The following COL1A2 variants were observed in gnomAD, a reference collection of about 807,000 sequenced individuals.
COL1A2 encodes the protein collagen type I alpha 2 chain, also known as collagen alpha-2(I) chain.
COL1A2 carries 49 observed loss-of-function variants against 174.3 expected under a neutral mutation model. The ratio of observed to expected loss-of-function variants is 0.28; its 90% confidence interval spans 0.22 to 0.36. COL1A2 has a LOEUF of 0.36. Among genes scored for constraint, COL1A2 ranks in the 10% least tolerant of loss-of-function variants. COL1A2 has a pLI of 1.00. For synonymous variants in COL1A2, 655 were observed against 606.6 expected (o/e 1.08, Z -1.17); for missense variants, 1,438 against 1,822.7 (o/e 0.79, Z 3.84).
In COL1A2 at chr7:94,394,943, G is replaced by A; in HGVS notation, c.-89G>A. 1.9e-6 allele frequency: 2 copies of A among 1,077,088 alleles called. No individual in the cohort carries two copies. The highest frequency in any genetic ancestry group is 2.9e-6 in the Non-Finnish European group (2 of 692,582). The allele number at this position is 1,077,088 out of a possible 1,614,324, so 66.7% of individuals were successfully genotyped here. A position where few individuals can be genotyped will look rare whatever the true frequency, so the allele number is the denominator to read the frequency against. On this transcript the variant is annotated 5_prime_UTR_variant, in exon 1 of 52. Coordinates refer to ENST00000297268, the MANE Select transcript of COL1A2 (RefSeq NM_000089.4). ...CGGCTAAGTTGGAGGTACTGGCCACGACTGCATGCCCGCGCCCGCCAGGTG... is the reference window on the plus strand; with the variant it reads ...CGGCTAAGTTGGAGGTACTGGCCACAACTGCATGCCCGCGCCCGCCAGGTG...
chr7:94,401,384 C>T (rs1322111072), intron 5 of COL1A2, among the ~76,000 whole-genome samples, 183 bp from the exon 6 acceptor site: 1 of 152,098 alleles, frequency 6.6e-6, no homozygotes, highest in East Asian at 1.9e-4. Flanking sequence ...ACGTACAGCT[C>T]TCATAACTTT....
intron 19 of COL1A2, 74 bp from the exon 20 acceptor site, chr7:94,410,168 T>C: frequency 6.7e-7 from 1 of 1,483,068 alleles, no homozygotes; most frequent in Non-Finnish European, 9.4e-7. Context: ...CCCACAAATA[T>C]TCTAAGAGAT....
Position 94,408,211 on chromosome 7 carries a change from G to A in COL1A2, c.668G>A (p.Gly223Glu), listed in dbSNP as rs776453550. Residue 223 changes from glycine (G) to glutamate (E), a missense_variant, in exon 14 of 52, where the codon GGA (glycine) becomes GAA (glutamate). This residue lies in a region of COL1A2 where 281 missense variants were observed against 310.9 expected (regional missense o/e 0.90). Transcript: ENST00000297268. ...TGARGLPGERGRVGAPGPAGA... is the reference protein window; with the variant it reads ...TGARGLPGERERVGAPGPAGA... Reference sequence around the variant, plus strand: ...GCCCGTGGGCTTCCTGGTGAGAGAGGACGTGTTGGTGCCCCTGGCCCAGCT... The same window carrying A: ...GCCCGTGGGCTTCCTGGTGAGAGAGAACGTGTTGGTGCCCCTGGCCCAGCT... 9 of 1,614,152 alleles carry A rather than the reference G, an allele frequency of 5.6e-6. No homozygotes were observed. The highest frequency in any genetic ancestry group is 6.8e-6 in the Non-Finnish European group (8 of 1,180,014).
intron 27 of COL1A2, 46 bp downstream of exon 27, chr7:94,413,789 A>G (rs1421627871): frequency 5.6e-6 from 9 of 1,611,036 alleles, no homozygotes; most frequent in African/African-American, 1.3e-5. Context: ...TAGAATGTAT[A>G]TAGTCCTCAA....
At chr7:94,426,390 G>GT (rs1562907425) in intron 45 of COL1A2, 33 bp from the exon 46 acceptor site, 1 of 1,541,774 alleles carries the variant, frequency 6.5e-7, no homozygotes, top group South Asian at 1.2e-5. Flanking sequence ...TTTTAAAACG[G>GT]TAAGTCTTAT....
intron 37 of COL1A2, 33 bp from the exon 38 acceptor site, chr7:94,420,976 G>C: frequency 6.2e-7 from 1 of 1,608,880 alleles, no homozygotes; most frequent in Non-Finnish European, 8.5e-7. Flanking sequence ...GGGTTTGTTT[G>C]TGATTTGACT....
chr7:94,422,996 A>G lies in COL1A2; in HGVS notation c.2443A>G (p.Lys815Glu). The G allele has an allele frequency of 6.2e-7, 1 of 1,614,026 alleles. No homozygotes were observed. The change falls in exon 40 of 52, where the codon AAA (lysine) becomes GAA (glutamate). Residue 815 changes from lysine (K) to glutamate (E), a missense_variant. Physicochemically the swap from Lys to Glu is moderately conservative, Grantham distance 56. Transcript: ENST00000297268. ...GPPGPPGPAG[K>E]EGLRGPRGDQ... Reference sequence around the variant, plus strand: ...TCCTGGTCCCCCTGGTCCTGCTGGGAAAGAAGGGCTTCGTGGTCCTCGTGG... The same window carrying G: ...TCCTGGTCCCCCTGGTCCTGCTGGGGAAGAAGGGCTTCGTGGTCCTCGTGG...
Position 94,409,604 on chromosome 7 carries a change from C to T in COL1A2, c.932C>T (p.Ala311Val). The stretch of plus-strand genomic sequence containing the variant: ...AACGGCCTTACTGGTGCCAAGGGTG[C>T]TGCTGTGAGTATACCTGCGTAGCTA... ...GANGLTGAKG[A>V]AGLPGVAGAP... is the part of the protein sequence containing the mutation. Residue 311 changes from alanine to valine, a missense_variant, in exon 18 of 52, where the codon GCT (alanine) becomes GTT (valine). This residue lies in a region of COL1A2 where 867 missense variants were observed against 1,213.7 expected (regional missense o/e 0.71). Transcript: ENST00000297268. The T allele has an allele frequency of 6.2e-7, 1 of 1,614,148 alleles. No homozygotes were observed. Among genetic ancestry groups the T allele is most frequent in the Non-Finnish European group, 8.5e-7 (1 of 1,179,992 alleles).
In COL1A2 at chr7:94,419,489, TG is replaced by T; in HGVS notation, c.2026-7del. 1 of 1,614,050 alleles carries T rather than the reference TG, an allele frequency of 6.2e-7. No homozygotes were observed. The highest frequency in any genetic ancestry group is 1.3e-5 in the African/African-American group (1 of 75,010). The stretch of plus-strand genomic sequence containing the variant: ...TTATTAATAAGACATGTTTCCTTTT[TG>T]GTACTAGGGTGCTCCTGGTGCTGTA... On this transcript the variant is annotated splice_polypyrimidine_tract_variant and splice_region_variant and intron_variant, in intron 33 of 51. Coordinates refer to ENST00000297268, the MANE Select transcript of COL1A2 (RefSeq NM_000089.4).
rs1182104284 is a variant in COL1A2 at position 94,427,683 on chromosome 7, T to C, written c.3324T>C (p.Tyr1108=). The stretch of plus-strand genomic sequence containing the variant: ...CTCCAGGTGTAAGCGGTGGTGGTTA[T>C]GACTTTGGTTACGATGGAGACTTCT... ...PGPPGVSGGG[Y]DFGYDGDFYR... is the part of the protein sequence containing the mutation. Residue 1108 remains tyrosine, a synonymous_variant, in exon 49 of 52, where the codon TAT becomes TAC. Coordinates refer to ENST00000297268, the MANE Select transcript of COL1A2 (RefSeq NM_000089.4). 6.2e-7 allele frequency: 1 copy of C among 1,614,144 alleles called. No individual in the cohort carries two copies. The highest frequency in any genetic ancestry group is 2.2e-5 in the East Asian group (1 of 44,864).
chr7:94,417,240 G>T (rs895396802), intron 31 of COL1A2, among the ~76,000 whole-genome samples: 1 of 152,152 alleles, frequency 6.6e-6, no homozygotes, highest in African/African-American at 2.4e-5. Context: ...TATCTCAGAA[G>T]CTAGTCAACA....
At position 94,430,290 on chromosome 7, in the gene COL1A2, C is replaced by T. The variant is rs1792371596; in HGVS notation, c.3998C>T (p.Thr1333Ile). 1 of 1,613,998 alleles carries T rather than the reference C, an allele frequency of 6.2e-7. No individual in the cohort carries two copies. The highest frequency in any genetic ancestry group is 8.5e-7 in the Non-Finnish European group (1 of 1,179,932). ...EWGKTIIEYK[T>I]NKPSRLPFLD... is the part of the protein sequence containing the mutation. ...GGAAAGACAATCATTGAATACAAAA[C>T]AAATAAGCCATCACGCCTGCCCTTC... The change falls in exon 52 of 52, where the codon ACA becomes ATA. Residue 1333 changes from threonine (T) to isoleucine (I), a missense_variant. Transcript: ENST00000297268.
intron 4 of COL1A2, among the ~76,000 whole-genome samples, chr7:94,399,427 T>C (rs970091544): frequency 6.6e-6 from 1 of 152,208 alleles, no homozygotes; most frequent in Non-Finnish European, 1.5e-5. Context: ...GCTTTTGAAC[T>C]AAGATCCCTT....
Position 94,430,723 on chromosome 7 carries a change from T to C in COL1A2, c.*330T>C, listed in dbSNP as rs1474101473. On this transcript the variant is annotated 3_prime_UTR_variant, in exon 52 of 52. Transcript: ENST00000297268. ...ATTTGCACCACTTGTGGCTTTTGAATATCTTCCACAGAGGGAAGTTTAAAA... is the reference window on the plus strand; with the variant it reads ...ATTTGCACCACTTGTGGCTTTTGAACATCTTCCACAGAGGGAAGTTTAAAA... The C allele has an allele frequency of 3.3e-6, 1 of 299,546 alleles. No homozygotes were observed. The highest frequency in any genetic ancestry group is 2.2e-5 in the African/African-American group (1 of 44,856). 18.6% of individuals were successfully genotyped at this position (299,546 alleles called of 1,614,324 possible).
At chr7:94,417,975 A>G in intron 32 of COL1A2, 144 bp downstream of exon 32, 3 of 722,322 alleles carry the variant, frequency 4.2e-6, no homozygotes, top group Non-Finnish European at 7.2e-6. Flanking sequence ...GCCACCTAGC[A>G]CCTACACATT....
intron 33 of COL1A2, 127 bp downstream of exon 33, chr7:94,418,679 C>G (rs547220829): frequency 1.3e-5 from 10 of 752,860 alleles, no homozygotes; most frequent in Non-Finnish European, 2.2e-5. Flanking sequence ...ATATTCCTTT[C>G]TCTCCTGGGT....
At chr7:94,408,581 C>T (rs188303832) in intron 15 of COL1A2, among the ~76,000 whole-genome samples, 189 bp from the exon 16 acceptor site, 239 of 152,160 alleles carry the variant, frequency 1.6e-3, no homozygotes, top group Admixed American at 4.1e-3. Context: ...GCAAAATATC[C>T]CCACCCTGGA....
chr7:94,407,191 G>C (rs1434668354), intron 12 of COL1A2, among the ~76,000 whole-genome samples: 1 of 152,150 alleles, frequency 6.6e-6, no homozygotes, highest in East Asian at 1.9e-4. Flanking sequence ...ATCCCCCCTT[G>C]CCACTTCAAT....
chr7:94,429,988 G>C (rs1355320461), intron 51 of COL1A2: 1 of 518,870 alleles, frequency 1.9e-6, no homozygotes, highest in Admixed American at 3.2e-5. Context: ...TGTAGAGATA[G>C]GTCACTTGGA....
Sources: gnomAD v4.1 joint callset for allele counts (sites outside exome capture counted in the v4.1 genomes callset) on GRCh38, gnomAD v4.1.1 for gene constraint, gnomAD v4.1.1 regional missense constraint, MANE v1.5 for transcripts, NCBI Gene and HGNC (gene_info 2026-07-23, HGNC 2026-07-21) for gene names.